PALLD: variants seen among roughly 807,000 people sequenced by gnomAD.
PALLD encodes palladin, cytoskeletal associated protein, also known as palladin.
A neutral mutation model predicts 123.5 loss-of-function variants in PALLD; 61 were observed. The ratio of observed to expected loss-of-function variants is 0.49; its 90% CI spans 0.40 to 0.61. The LOEUF (loss-of-function observed/expected upper bound fraction) is 0.61, where lower values mean the gene tolerates loss of function less well. Among genes scored for constraint, PALLD ranks in the 20% least tolerant of loss-of-function variants. PALLD has a pLI of 0.00. For missense variants in PALLD, 1,273 were observed against 1,377.0 expected, an observed-to-expected ratio of 0.92 and a Z score of 1.20; for synonymous variants, 465 against 496.4, an observed-to-expected ratio of 0.94 and a Z score of 0.84.
At chr4:168,746,556 T>C (rs1730350632) in intron 10 of PALLD, among the ~76,000 whole-genome samples, 1 of 152,124 alleles carries the variant, frequency 6.6e-6, no homozygotes, top group African/African-American at 2.4e-5. Flanking sequence ...CATTGTACAT[T>C]TGAACAAATG....
chr4:168,503,292 T>G (rs1226730639), intron 1 of PALLD, among the ~76,000 whole-genome samples: 1 of 152,164 alleles, frequency 6.6e-6, no homozygotes, highest in African/African-American at 2.4e-5. Flanking sequence ...ATTGGGGAAC[T>G]GTTAGAAAGC....
intron 10 of PALLD, among the ~76,000 whole-genome samples, chr4:168,743,064 T>G (rs1788516173): frequency 6.6e-6 from 1 of 152,188 alleles, no homozygotes; most frequent in Non-Finnish European, 1.5e-5. Context: ...TAGATTGCCT[T>G]CTGTGTCCTC....
intron 2 of PALLD, among the ~76,000 whole-genome samples, chr4:168,629,006 C>T (rs181188481): frequency 6.6e-6 from 1 of 151,412 alleles, no homozygotes; most frequent in East Asian, 1.9e-4. Flanking sequence ...AGTTATTGTT[C>T]TGCCTATAGT....
chr4:168,719,971 A>G (rs543684209), intron 10 of PALLD, among the ~76,000 whole-genome samples: 1 of 152,330 alleles, frequency 6.6e-6, no homozygotes, highest in South Asian at 2.1e-4. Context: ...TTCTTTATCC[A>G]GTCTACCATT....
intron 10 of PALLD, among the ~76,000 whole-genome samples, chr4:168,881,479 C>A (rs1003164647): frequency 6.7e-6 from 1 of 148,654 alleles, no homozygotes; most frequent in Non-Finnish European, 1.5e-5. Flanking sequence ...AGAAGTTCCC[C>A]AGACCGCAGT....
At chr4:168,790,356 T>G (rs1193909054) in intron 10 of PALLD, among the ~76,000 whole-genome samples, 1 of 151,400 alleles carries the variant, frequency 6.6e-6, no homozygotes, top group Non-Finnish European at 1.5e-5. Context: ...GAGATGGGAT[T>G]TCACCATATT....
chr4:168,510,097 T>C (rs1762394633), intron 1 of PALLD, among the ~76,000 whole-genome samples: 1 of 152,190 alleles, frequency 6.6e-6, no homozygotes, highest in Non-Finnish European at 1.5e-5. Context: ...GAAGCTTCCA[T>C]TATTCACTCC....
chr4:168,641,160 A>T (rs1776905232), intron 2 of PALLD, among the ~76,000 whole-genome samples: 1 of 150,554 alleles, frequency 6.6e-6, no homozygotes, highest in African/African-American at 2.5e-5. Flanking sequence ...ATGAGCCAAG[A>T]TTGCACCACG....
intron 2 of PALLD, among the ~76,000 whole-genome samples, chr4:168,528,376 G>C (rs918613420): frequency 1.3e-5 from 2 of 152,190 alleles, no homozygotes; most frequent in African/African-American, 2.4e-5. Flanking sequence ...CTTAGTAAAA[G>C]AATCACATTG....
chr4:168,799,647 T>G (rs1739029192), intron 10 of PALLD, among the ~76,000 whole-genome samples: 1 of 152,358 alleles, frequency 6.6e-6, no homozygotes, highest in East Asian at 1.9e-4. Flanking sequence ...TTTTTGTGTG[T>G]GTGCGAAAAG....
chr4:168,595,388 C>T (rs763118845), intron 2 of PALLD, among the ~76,000 whole-genome samples: 1 of 152,100 alleles, frequency 6.6e-6, no homozygotes, highest in Admixed American at 6.6e-5. Flanking sequence ...TGGGATGATG[C>T]CTAAGCCTGT....
intron 10 of PALLD, among the ~76,000 whole-genome samples, chr4:168,736,539 G>A (rs1280510024): frequency 1.3e-5 from 2 of 152,088 alleles, no homozygotes; most frequent in East Asian, 3.9e-4. Flanking sequence ...TGAACACAAC[G>A]GTGTCTCGGG....
At chr4:168,616,768 C>T (rs1171325744) in intron 2 of PALLD, among the ~76,000 whole-genome samples, 1 of 152,156 alleles carries the variant, frequency 6.6e-6, no homozygotes, top group East Asian at 1.9e-4. Context: ...TTTTAACAAG[C>T]TTCCCAGGCA....
intron 10 of PALLD, among the ~76,000 whole-genome samples, chr4:168,789,283 A>G (rs1013981819): frequency 6.6e-6 from 1 of 152,222 alleles, no homozygotes; most frequent in Non-Finnish European, 1.5e-5. Context: ...TGCAATGGGA[A>G]GAGTTGGGGC....
intron 2 of PALLD, among the ~76,000 whole-genome samples, chr4:168,647,213 A>G (rs557239755): frequency 1.6e-4 from 25 of 152,314 alleles, no homozygotes; most frequent in Admixed American, 8.5e-4. Flanking sequence ...TAAAGATTAG[A>G]CAGTAGAATA....
chr4:168,553,207 T>C (rs1766924781), intron 2 of PALLD, among the ~76,000 whole-genome samples: 1 of 152,074 alleles, frequency 6.6e-6, no homozygotes, highest in Non-Finnish European at 1.5e-5. Context: ...ACCTATTCTT[T>C]ACTGTCCCCA....
chr4:168,890,095 GGAA>G (rs1753945951), intron 10 of PALLD, among the ~76,000 whole-genome samples: 1 of 152,164 alleles, frequency 6.6e-6, no homozygotes, highest in East Asian at 1.9e-4. Context: ...TGAGGGAAGA[GGAA>G]GAAAAATAGG....
At chr4:168,859,385 C>G (rs1749102174) in intron 10 of PALLD, among the ~76,000 whole-genome samples, 1 of 152,192 alleles carries the variant, frequency 6.6e-6, no homozygotes, top group Admixed American at 6.5e-5. Flanking sequence ...GGAGAAGGCT[C>G]TGCTGGAGAT....
intron 10 of PALLD, among the ~76,000 whole-genome samples, chr4:168,766,844 A>G (rs915479013): frequency 3.3e-5 from 5 of 152,206 alleles, no homozygotes; most frequent in Non-Finnish European, 2.9e-5. Flanking sequence ...GCCTCCTGTA[A>G]CTGCCAGCTA....
Sources: allele counts gnomAD v4.1 joint callset (sites outside exome capture counted in the v4.1 genomes callset), GRCh38; gene constraint gnomAD v4.1.1; transcripts MANE v1.5; gene names NCBI Gene and HGNC (gene_info 2026-07-23, HGNC 2026-07-21).